The following BAIAP2L1 variants were observed in gnomAD, a reference collection of about 807,000 sequenced individuals.
BAIAP2L1 encodes the protein BAR/IMD domain-containing adapter protein 2-like 1.
A neutral mutation model predicts 66.3 loss-of-function variants in BAIAP2L1; 35 were observed. That is an observed-to-expected ratio of 0.53 (90% CI 0.40 to 0.70). BAIAP2L1 has a LOEUF of 0.70. Ranked by LOEUF, BAIAP2L1 falls within the 30% of genes least tolerant of loss-of-function variation. The pLI is 0.00. For synonymous variants in BAIAP2L1, 269 were observed against 248.7 expected, an observed-to-expected ratio of 1.08 and a Z score of -0.77; for missense variants, 622 against 656.9, an observed-to-expected ratio of 0.95 and a Z score of 0.58.
In BAIAP2L1 at chr7:98,336,734, C is replaced by T. The variant is rs73709468; in HGVS notation, c.215-16436G>A. ...GCATAGGCATCCAACATTTAAGGGT[C>T]GCCCTTAAGAAAGAGAATACAAAAC... On this transcript the variant is annotated intron_variant, in intron 3 of 13. Coordinates refer to ENST00000005260, the MANE Select transcript of BAIAP2L1 (RefSeq NM_018842.5). 8.7e-3 allele frequency among the ~76,000 whole-genome samples: 1,318 copies of T among 152,300 alleles called. 19 individuals are homozygous for T. The highest frequency in any genetic ancestry group is 0.03 in the African/African-American group (1,255 of 41,558).
rs372532846 is a variant in BAIAP2L1 at position 98,370,106 on chromosome 7, GA to G, written c.52-7675del. Among the ~76,000 whole-genome samples the G allele has an allele frequency of 1.6e-3, 235 of 148,894 alleles. 2 individuals carry two copies. The highest frequency in any genetic ancestry group is 2.8e-3 in the South Asian group (13 of 4,696). The stretch of plus-strand genomic sequence containing the variant: ...TATCCAAATGATTCTACCAGAGGGG[GA>G]AAAAAAAAAGTTCAACTAAGACTTG... On this transcript the variant is annotated intron_variant, in intron 1 of 13. Coordinates refer to ENST00000005260, the MANE Select transcript of BAIAP2L1 (RefSeq NM_018842.5).
chr7:98,324,628 G>A (rs564993157), intron 3 of BAIAP2L1, among the ~76,000 whole-genome samples: 3 of 152,192 alleles, frequency 2.0e-5, no homozygotes, highest in Non-Finnish European at 4.4e-5. Context: ...CGGGAGGATC[G>A]CTTGAGGCCA....
chr7:98,349,285 C>T (rs1308908534), intron 3 of BAIAP2L1, among the ~76,000 whole-genome samples: 1 of 152,222 alleles, frequency 6.6e-6, no homozygotes, highest in Non-Finnish European at 1.5e-5. Flanking sequence ...AATGAGACAA[C>T]AGAAGTGCCC....
Position 98,338,044 on chromosome 7 carries a change from A to G in BAIAP2L1, c.214+16998T>C, listed in dbSNP as rs78202905. 4.2e-3 allele frequency among the ~76,000 whole-genome samples: 639 copies of G among 152,354 alleles called. 15 individuals carry two copies. The highest frequency in any genetic ancestry group is 0.036 in the Admixed American group (545 of 15,296). On this transcript the variant is annotated intron_variant, in intron 3 of 13. Coordinates refer to ENST00000005260, the MANE Select transcript of BAIAP2L1 (RefSeq NM_018842.5). ...CATACTTAACTCTTTTTAGTGGTAT[A>G]ATATACAAAAGTTTACCAAGGGTAA...
chr7:98,346,970 G>A (rs1456048374), intron 3 of BAIAP2L1, among the ~76,000 whole-genome samples: 1 of 151,738 alleles, frequency 6.6e-6, no homozygotes, highest in Non-Finnish European at 1.5e-5. Flanking sequence ...GGATGAAGAT[G>A]TTTCAGGGAA....
chr7:98,300,545 G>A (rs921127751), intron 12 of BAIAP2L1, among the ~76,000 whole-genome samples: 2 of 152,200 alleles, frequency 1.3e-5, no homozygotes, highest in African/African-American at 4.8e-5. Flanking sequence ...GCTGCTGGCT[G>A]AGATTTCAGA....
At chr7:98,372,172 A>G (rs62478203) in intron 1 of BAIAP2L1, among the ~76,000 whole-genome samples, 58,348 of 151,704 alleles carry the variant, frequency 0.38, 12,584 homozygotes, top group Middle Eastern at 0.55. Flanking sequence ...TTTGGGAGGC[A>G]AGGCGGTCGG....
At chr7:98,385,706 A>G (rs888435325) in intron 1 of BAIAP2L1, 148 of 1,123,548 alleles carry the variant, frequency 1.3e-4, no homozygotes, top group Middle Eastern at 2.5e-4. Flanking sequence ...GAGCCCCCAC[A>G]CCCAGCCAGG....
At chr7:98,333,342 A>C (rs1801544243) in intron 3 of BAIAP2L1, among the ~76,000 whole-genome samples, 1 of 151,934 alleles carries the variant, frequency 6.6e-6, no homozygotes, top group South Asian at 2.1e-4. Context: ...TCACACCTAT[A>C]ATCCCAGCAC....
In BAIAP2L1 at chr7:98,310,573, G is replaced by T. The variant is rs1800829877; in HGVS notation, c.827C>A (p.Thr276Asn). 6.3e-6 allele frequency: 10 copies of T among 1,589,814 alleles called. No individual in the cohort carries two copies. Among genetic ancestry groups the T allele is most frequent in the Non-Finnish European group, 8.5e-6 (10 of 1,172,866 alleles). ...RSNVVRKDYD[T>N]LSKCSPKMPP... ...CATCTTTGGTGAGCATTTAGAAAGGGTGTCGTAATCTTTCCTAACCTGTGA... is the reference window on the plus strand; with the variant it reads ...CATCTTTGGTGAGCATTTAGAAAGGTTGTCGTAATCTTTCCTAACCTGTGA... Residue 276 changes from threonine (T) to asparagine (N), a missense_variant, in exon 9 of 14, where the codon ACC becomes AAC. Coordinates refer to ENST00000005260, the MANE Select transcript of BAIAP2L1 (RefSeq NM_018842.5).
chr7:98,314,275 G>A (rs1316382385), intron 7 of BAIAP2L1, among the ~76,000 whole-genome samples: 1 of 152,094 alleles, frequency 6.6e-6, no homozygotes, highest in African/African-American at 2.4e-5. Context: ...GAGCCACCAT[G>A]CGCAGTCCTG....
chr7:98,393,550 T>A (rs1189475129), intron 1 of BAIAP2L1, among the ~76,000 whole-genome samples: 1 of 152,006 alleles, frequency 6.6e-6, no homozygotes, highest in South Asian at 2.1e-4. Flanking sequence ...CAGGCTGGAG[T>A]GCAGTGGCAT....
Position 98,307,414 on chromosome 7 carries a change from A to T in BAIAP2L1, c.1163+275T>A, listed in dbSNP as rs552441225. On this transcript the variant is annotated intron_variant, in intron 10 of 13. Transcript: ENST00000005260. ...AGCCACTGCACTGGCCAAATGCTAA[A>T]TTTTTTTTAAAAACAAAAGAATGTT... The T allele has an allele frequency of 2.7e-3, 3,483 of 1,279,026 alleles. 4 individuals are homozygous for T. Among genetic ancestry groups the T allele is most frequent in the Non-Finnish European group, 3.3e-3 (3,307 of 1,003,518 alleles). 79.2% of individuals were successfully genotyped at this position (1,279,026 alleles called of 1,614,324 possible).
rs534174299 is a variant in BAIAP2L1 at position 98,299,647 on chromosome 7, G to A, written c.1422+4549C>T. On this transcript the variant is annotated intron_variant, in intron 12 of 13. Transcript: ENST00000005260. ...GCAGGGATCACAGGTGTGAGCCACC[G>A]TGCCCAGCTAGAGCAAGTTTTTAAA... Among the ~76,000 whole-genome samples, 35 of 152,318 alleles carry A rather than the reference G, an allele frequency of 2.3e-4. 1 individual carries two copies. In the South Asian group the frequency reaches 5.2e-3, roughly 23 times the overall value.
intron 3 of BAIAP2L1, 37 bp from the exon 4 acceptor site, chr7:98,320,335 T>A: frequency 6.7e-7 from 1 of 1,496,252 alleles, no homozygotes; most frequent in Non-Finnish European, 9.1e-7. Flanking sequence ...GGGAAGCCAT[T>A]GCGTATTTTT....
intron 2 of BAIAP2L1, among the ~76,000 whole-genome samples, chr7:98,358,739 T>C (rs1417415103): frequency 6.6e-6 from 1 of 152,162 alleles, no homozygotes; most frequent in African/African-American, 2.4e-5. Context: ...TTCCTTAAAA[T>C]ATGGTTTCAT....
At chr7:98,355,467 G>A (rs1802097382) in intron 2 of BAIAP2L1, 1 of 263,494 alleles carries the variant, frequency 3.8e-6, no homozygotes, top group East Asian at 7.1e-5. Flanking sequence ...TGGGCACGGT[G>A]GCTCACACCT....
intron 12 of BAIAP2L1, among the ~76,000 whole-genome samples, chr7:98,301,077 G>A (rs1051074064): frequency 5.3e-5 from 8 of 152,120 alleles, no homozygotes; most frequent in Non-Finnish European, 1.2e-4. Context: ...AGGCCGGCTG[G>A]ATGAATGCTG....
chr7:98,332,430 T>C (rs1297002636), intron 3 of BAIAP2L1, among the ~76,000 whole-genome samples: 2 of 140,176 alleles, frequency 1.4e-5, no homozygotes, highest in Admixed American at 1.5e-4. Context: ...TTCTAGATAT[T>C]TAATGTCACC....
Sources: gnomAD v4.1 joint callset for allele counts (sites outside exome capture counted in the v4.1 genomes callset) on GRCh38, gnomAD v4.1.1 for gene constraint, MANE v1.5 for transcripts, NCBI Gene and HGNC (gene_info 2026-07-23, HGNC 2026-07-21) for gene names.